Variants in B4GALNT3 observed in about 807,000 individuals in gnomAD.
The protein encoded by B4GALNT3 is beta-1,4-N-acetyl-galactosaminyltransferase 3.
A neutral mutation model predicts 120.2 loss-of-function variants in B4GALNT3; 86 were observed. The observed-to-expected ratio is 0.72, with a 90% confidence interval of 0.60 to 0.86. The LOEUF is 0.86. Ranked by LOEUF, B4GALNT3 falls within the 40% of genes least tolerant of loss-of-function variation. The pLI is 0.00. For synonymous variants in B4GALNT3, 518 were observed against 510.4 expected (o/e 1.01, Z -0.20); for missense variants, 1,167 against 1,298.9 (o/e 0.90, Z 1.56).
chr12:559,572 A>C, intron 19 of B4GALNT3, 151 bp downstream of exon 19: 1 of 1,130,672 alleles, frequency 8.8e-7, no homozygotes, highest in Non-Finnish European at 1.2e-6. Flanking sequence ...CCCTCAAATC[A>C]CCGGCCTCGC....
chr12:481,929 G>C (rs1434050078), intron 1 of B4GALNT3, among the ~76,000 whole-genome samples: 1 of 152,004 alleles, frequency 6.6e-6, no homozygotes, highest in Non-Finnish European at 1.5e-5. Context: ...AGAAAACATT[G>C]ATACGGCATC....
rs575131984 is a variant in B4GALNT3, at chr12:527,926, T to G, written c.170-7240T>G. Among the ~76,000 whole-genome samples the G allele has an allele frequency of 6.5e-4, 98 of 151,666 alleles. 1 individual carries two copies. Among genetic ancestry groups the G allele is most frequent in the Non-Finnish European group, 1.0e-3 (68 of 67,930 alleles). ...ATAATAAGGAAATGGTCTGGGGGTGTGTGTGTGTGTGTGAAGTGTGGGTGG... is the reference window on the plus strand; with the variant it reads ...ATAATAAGGAAATGGTCTGGGGGTGGGTGTGTGTGTGTGAAGTGTGGGTGG... On this transcript the variant is annotated intron_variant, in intron 1 of 19. Coordinates refer to ENST00000266383, the MANE Select transcript of B4GALNT3 (RefSeq NM_173593.4).
Position 556,705 on chromosome 12 carries a change from C to G in B4GALNT3, c.2219C>G (p.Ala740Gly). ...SARGWQGIDP[A>G]GGEEVEARNL... ...CGAGGCTGGCAGGGCATCGATCCAG[C>G]TGGTGGGGAGGAGGTCGAGGCCCGG... Residue 740 changes from alanine (A) to glycine (G), a missense_variant, in exon 15 of 20, where the codon GCT (alanine) becomes GGT (glycine). Ala to Gly is a moderately conservative substitution (Grantham distance 60, BLOSUM62 0). Transcript: ENST00000266383. The G allele has an allele frequency of 6.2e-7, 1 of 1,613,934 alleles. No individual in the cohort carries two copies. The highest frequency in any genetic ancestry group is 8.5e-7 in the Non-Finnish European group (1 of 1,180,018).
At chr12:552,292 T>TAC (rs10604398) in intron 12 of B4GALNT3, 129 bp downstream of exon 12, 10,712 of 625,328 alleles carry the variant, frequency 0.017, 40 homozygotes, top group East Asian at 0.038. Flanking sequence ...TCCTGAGTAC[T>TAC]ACACACACAC....
chr12:537,244 T>C (rs1946870411), intron 3 of B4GALNT3, among the ~76,000 whole-genome samples: 1 of 152,182 alleles, frequency 6.6e-6, no homozygotes. Context: ...CATCATAATA[T>C]CTTTCATTTT....
chr12:546,086 G>C (rs1340936768), intron 6 of B4GALNT3, among the ~76,000 whole-genome samples: 13 of 146,912 alleles, frequency 8.8e-5, no homozygotes. Flanking sequence ...GAGTTAGGGT[G>C]GGGAGTTGTG....
chr12:495,290 G>A (rs1226165557), intron 1 of B4GALNT3, among the ~76,000 whole-genome samples: 1 of 152,164 alleles, frequency 6.6e-6, no homozygotes, highest in African/African-American at 2.4e-5. Flanking sequence ...TGCTTTAGGG[G>A]TTCAGTTTCC....
rs142607586 is a variant in B4GALNT3 at position 534,807 on chromosome 12, G to A, written c.170-359G>A. Among the ~76,000 whole-genome samples the A allele has an allele frequency of 4.9e-3, 750 of 152,306 alleles. 3 individuals are homozygous for A. The highest frequency in any genetic ancestry group is 8.8e-3 in the Non-Finnish European group (601 of 68,008). On this transcript the variant is annotated intron_variant, in intron 1 of 19. Coordinates refer to ENST00000266383, the MANE Select transcript of B4GALNT3 (RefSeq NM_173593.4). ...CTGAGCAGGAAGGGAAGAGTGTACC[G>A]CCTGTCACGACCATCTCTCCACGGC...
At chr12:480,409 C>T (rs906873351) in intron 1 of B4GALNT3, among the ~76,000 whole-genome samples, 5 of 10,044 alleles carry the variant, frequency 5.0e-4, no homozygotes, top group South Asian at 0.031. Flanking sequence ...TTTCCTTTTC[C>T]GTAAACACGG....
At chr12:461,116 G>A (rs1565584424) in intron 1 of B4GALNT3, among the ~76,000 whole-genome samples, 1 of 151,972 alleles carries the variant, frequency 6.6e-6, no homozygotes, top group Non-Finnish European at 1.5e-5. Context: ...CTTCCCATAC[G>A]TCGCTCCTCT....
chr12:489,084 G>A lies in B4GALNT3; in HGVS notation c.169+28539G>A, dbSNP rs575563344. ...ACAGGAACAGAAAACCAAATACCAC[G>A]TTCTCACTCATAAGTGGGAGTTGAA... On this transcript the variant is annotated intron_variant, in intron 1 of 19. Coordinates refer to ENST00000266383, the MANE Select transcript of B4GALNT3 (RefSeq NM_173593.4). Among the ~76,000 whole-genome samples, 11 of 140,538 alleles carry A rather than the reference G, an allele frequency of 7.8e-5. No individual in the cohort carries two copies. In the South Asian group the frequency reaches 2.2e-3, roughly 29 times the overall value. The allele number at this position is 140,538 out of a possible 152,430, so 92.2% of individuals were successfully genotyped here.
intron 1 of B4GALNT3, among the ~76,000 whole-genome samples, chr12:513,645 A>G (rs964550342): frequency 1.3e-5 from 2 of 152,208 alleles, no homozygotes; most frequent in African/African-American, 4.8e-5. Context: ...TTCTGTGATT[A>G]AGAATGGCTT....
chr12:544,089 G>T (rs1172269441), intron 3 of B4GALNT3, among the ~76,000 whole-genome samples: 1 of 117,824 alleles, frequency 8.5e-6, no homozygotes, highest in Non-Finnish European at 1.8e-5. Flanking sequence ...CGGGCATGGG[G>T]TGCTCATCTT....
intron 1 of B4GALNT3, among the ~76,000 whole-genome samples, chr12:505,433 T>G (rs1946488519): frequency 6.6e-6 from 1 of 152,048 alleles, no homozygotes; most frequent in Non-Finnish European, 1.5e-5. Flanking sequence ...AACCCTGGAC[T>G]CCCTAAGCCC....
chr12:519,766 G>C (rs1233197615), intron 1 of B4GALNT3, among the ~76,000 whole-genome samples: 1 of 152,108 alleles, frequency 6.6e-6, no homozygotes, highest in East Asian at 1.9e-4. Flanking sequence ...CACAAATTTA[G>C]GTTGAGCGAC....
chr12:493,887 AAAGG>A (rs1946366324), intron 1 of B4GALNT3, among the ~76,000 whole-genome samples: 2 of 152,228 alleles, frequency 1.3e-5, no homozygotes, highest in Admixed American at 6.5e-5. Flanking sequence ...TCCGTGTTGG[AAAGG>A]CAGTCCACAC....
chr12:514,765 A>G (rs1946636274), intron 1 of B4GALNT3, among the ~76,000 whole-genome samples: 1 of 151,992 alleles, frequency 6.6e-6, no homozygotes, highest in Admixed American at 6.6e-5. Context: ...GTGGTGGCTT[A>G]CACCTGTAAT....
intron 1 of B4GALNT3, among the ~76,000 whole-genome samples, chr12:511,293 ACCTTCCACCTTCCACCTTCCGCCTTCTG>A (rs1409486472): frequency 1.3e-4 from 6 of 47,030 alleles, no homozygotes; most frequent in Non-Finnish European, 2.1e-4. Flanking sequence ...TCCACCTTCG[ACCTTCCACCTTCCACCTTCCGCCTTCTG>A]CCTTCCACCT....
chr12:498,764 C>T lies in B4GALNT3; in HGVS notation c.170-36402C>T, dbSNP rs553395018. Among the ~76,000 whole-genome samples, 5 of 152,240 alleles carry T rather than the reference C, an allele frequency of 3.3e-5. No individual in the cohort carries two copies. In the South Asian group the frequency reaches 8.3e-4, roughly 25 times the overall value. ...ATAACTTTGTCTTTTTGGATGTTCC[C>T]GCGTCTGTCTTTAAGAGGTTCCTTC... On this transcript the variant is annotated intron_variant, in intron 1 of 19. Coordinates refer to ENST00000266383, the MANE Select transcript of B4GALNT3 (RefSeq NM_173593.4).
Sources: gnomAD v4.1 joint callset for allele counts (sites outside exome capture counted in the v4.1 genomes callset) on GRCh38, gnomAD v4.1.1 for gene constraint, MANE v1.5 for transcripts, NCBI Gene and HGNC (gene_info 2026-07-23, HGNC 2026-07-21) for gene names.